NRG1: variants seen among roughly 807,000 people sequenced by gnomAD.
NRG1 encodes the protein pro-neuregulin-1, membrane-bound isoform.
In NRG1, 18 loss-of-function variants were observed where a neutral mutation model predicts 63.8. That is an observed-to-expected ratio of 0.28 (90% CI 0.19 to 0.42). NRG1 has a LOEUF of 0.42. Ranked by LOEUF, NRG1 falls within the 10% of genes least tolerant of loss-of-function variation. The probability of loss-of-function intolerance (pLI) is 1.00; values close to 1 mark genes in which losing one functional copy is unlikely to be tolerated. For missense variants in NRG1, 762 were observed against 814.7 expected, an observed-to-expected ratio of 0.94 and a Z score of 0.79; for synonymous variants, 302 against 301.3, an observed-to-expected ratio of 1.00 and a Z score of -0.02.
At chr8:32,417,094 G>A (rs1273643091) in intron 1 of NRG1, among the ~76,000 whole-genome samples, 1 of 152,146 alleles carries the variant, frequency 6.6e-6, no homozygotes, top group Non-Finnish European at 1.5e-5. Flanking sequence ...AAAGGCCTCA[G>A]CTTACACTGT....
intron 1 of NRG1, among the ~76,000 whole-genome samples, chr8:31,928,653 C>T (rs1470330507): frequency 2.7e-5 from 4 of 150,384 alleles, no homozygotes; most frequent in African/African-American, 9.9e-5. Flanking sequence ...TATATATACA[C>T]ACACACACAC....
intron 1 of NRG1, among the ~76,000 whole-genome samples, chr8:32,573,379 A>C (rs1302191594): frequency 6.6e-6 from 1 of 152,160 alleles, no homozygotes. Context: ...ATAAAACTTT[A>C]TTTACAAAAA....
intron 1 of NRG1, among the ~76,000 whole-genome samples, chr8:31,959,042 A>C (rs1563618471): frequency 6.6e-6 from 1 of 152,188 alleles, no homozygotes; most frequent in Non-Finnish European, 1.5e-5. Flanking sequence ...ATTAAATGTA[A>C]GCTCTCTCTG....
rs140712029 is a variant in NRG1 at position 32,763,087 on chromosome 8, G to A, written c.1260-661G>A. 2.2e-3 allele frequency: 2,046 copies of A among 929,986 alleles called. 26 individuals are homozygous for A. The African/African-American group carries it at 0.031, about 14-fold the overall frequency. The allele number at this position is 929,986 out of a possible 1,614,324, so 57.6% of individuals were successfully genotyped here. A position where few individuals can be genotyped will look rare whatever the true frequency, so the allele number is the denominator to read the frequency against. On this transcript the variant is annotated intron_variant, in intron 11 of 11. Coordinates refer to ENST00000356819, the Ensembl canonical transcript of NRG1. ...GGCTTACCTTTGACTGTGTTTGTTG[G>A]ACACTGGGATGGATAGTTCCAAATT... is the stretch of plus-strand genomic sequence containing the variant.
At chr8:32,715,015 C>T (rs1474901092) in intron 5 of NRG1, among the ~76,000 whole-genome samples, 2 of 152,098 alleles carry the variant, frequency 1.3e-5, no homozygotes, top group East Asian at 3.9e-4. Context: ...GCTCTGTTGC[C>T]CAGGCTGGAG....
chr8:32,044,622 A>G lies in NRG1; in HGVS notation c.37+405191A>G, dbSNP rs1309497696. Among the ~76,000 whole-genome samples, 3 of 151,772 alleles carry G rather than the reference A, an allele frequency of 2.0e-5. 1 individual carries two copies. The South Asian group carries it at 6.2e-4, about 31-fold the overall frequency. ...GTCACACAAAATATGTTTTTTGTCC[A>G]TAGTGTAATTAAATTAGAAATAAAT... On this transcript the variant is annotated intron_variant, in intron 1 of 10. Coordinates refer to the NRG1 transcript ENST00000519301.
At chr8:32,218,038 T>C (rs759878884) in intron 1 of NRG1, among the ~76,000 whole-genome samples, 1 of 152,220 alleles carries the variant, frequency 6.6e-6, no homozygotes, top group African/African-American at 2.4e-5. Flanking sequence ...ACCACCTATT[T>C]GAAAAATGAT....
chr8:32,614,220 C>G (rs1392878426), intron 3 of NRG1, among the ~76,000 whole-genome samples: 3 of 152,056 alleles, frequency 2.0e-5, no homozygotes, highest in Non-Finnish European at 4.4e-5. Context: ...TCCTGAGAAG[C>G]CTACTGCCTC....
At chr8:31,896,165 A>G (rs745643606) in intron 1 of NRG1, among the ~76,000 whole-genome samples, 18 of 152,212 alleles carry the variant, frequency 1.2e-4, no homozygotes, top group Non-Finnish European at 2.1e-4. Flanking sequence ...TTTAAATGAC[A>G]ATAGTGTATG....
chr8:32,239,261 G>A (rs1847869578), intron 1 of NRG1, among the ~76,000 whole-genome samples: 1 of 121,090 alleles, frequency 8.3e-6, no homozygotes, highest in African/African-American at 3.4e-5. Flanking sequence ...TAATTCAATG[G>A]AGGAAAGATG....
chr8:32,460,850 GA>G (rs1347777545), intron 1 of NRG1, among the ~76,000 whole-genome samples: 1 of 151,648 alleles, frequency 6.6e-6, no homozygotes. Context: ...AAGAAATAAA[GA>G]AAAGCCAACC....
chr8:32,048,669 GTGTGAGGTGATA>G, intron 1 of NRG1, among the ~76,000 whole-genome samples: 1 of 151,566 alleles, frequency 6.6e-6, no homozygotes, highest in East Asian at 1.9e-4. Context: ...ATTCTAATAG[GTGTGAGGTGATA>G]TCGCATTGTG....
intron 1 of NRG1, among the ~76,000 whole-genome samples, chr8:32,229,565 C>T (rs537073807): frequency 2.0e-5 from 3 of 152,160 alleles, no homozygotes; most frequent in African/African-American, 7.2e-5. Context: ...AACAGACACC[C>T]TCTGCCAGGT....
At chr8:31,762,620 A>G (rs1817668896) in intron 1 of NRG1, among the ~76,000 whole-genome samples, 2 of 152,000 alleles carry the variant, frequency 1.3e-5, no homozygotes, top group Admixed American at 6.6e-5. Flanking sequence ...TATGCCTTAA[A>G]CTTTTATTTT....
chr8:32,176,739 A>G (rs1392746662), intron 1 of NRG1, among the ~76,000 whole-genome samples: 5 of 152,224 alleles, frequency 3.3e-5, no homozygotes, highest in African/African-American at 1.2e-4. Context: ...GCTCATCATC[A>G]CTGGCCATCA....
At chr8:32,282,837 A>C (rs544699561) in intron 1 of NRG1, among the ~76,000 whole-genome samples, 1 of 152,296 alleles carries the variant, frequency 6.6e-6, no homozygotes, top group South Asian at 2.1e-4. Context: ...ATTTATTCTC[A>C]TTCATACTTG....
chr8:32,760,662 A>G (rs1589644743), intron 11 of NRG1: 12 of 1,272,410 alleles, frequency 9.4e-6, no homozygotes, highest in Middle Eastern at 3.2e-4. Context: ...CGGAAGGTGC[A>G]GCACATGGAG....
chr8:32,160,926 A>G (rs1485897934), intron 1 of NRG1, among the ~76,000 whole-genome samples: 1 of 152,136 alleles, frequency 6.6e-6, no homozygotes, highest in African/African-American at 2.4e-5. Flanking sequence ...AACTAGCTGC[A>G]TTTATGGACT....
chr8:32,442,043 G>A (rs553606268), intron 1 of NRG1, among the ~76,000 whole-genome samples: 12 of 152,194 alleles, frequency 7.9e-5, no homozygotes, highest in Admixed American at 7.9e-4. Flanking sequence ...AGATAAAAAA[G>A]ACTTTATCTC....
Sources: allele counts gnomAD v4.1 joint callset (sites outside exome capture counted in the v4.1 genomes callset), GRCh38; gene constraint gnomAD v4.1.1; transcripts MANE v1.5; gene names NCBI Gene and HGNC (gene_info 2026-07-23, HGNC 2026-07-21).